RAPGEF3: variants seen among roughly 807,000 people sequenced by gnomAD.
RAPGEF3 encodes Rap guanine nucleotide exchange factor 3.
In RAPGEF3, 103 loss-of-function variants were observed where a neutral mutation model predicts 129.8. The observed-to-expected ratio is 0.79, with a 90% CI of 0.68 to 0.93. RAPGEF3 has a LOEUF of 0.93. RAPGEF3 is among the 40% of genes least tolerant of loss of function. The pLI, the probability that RAPGEF3 is intolerant of heterozygous loss-of-function variation, is 0.00. For synonymous variants in RAPGEF3, 436 were observed against 482.6 expected (o/e 0.90, Z 1.26); for missense variants, 1,117 against 1,207.4 (o/e 0.93, Z 1.11).
rs540314957 is a variant in RAPGEF3, at chr12:47,734,712, A to G, written c.*2855T>C. On this transcript the variant is annotated 3_prime_UTR_variant, in exon 28 of 28. Coordinates refer to ENST00000449771, the MANE Select transcript of RAPGEF3 (RefSeq NM_001098531.4). ...TATTATCATGGTAAATCTTGTGACTATTGGGAAGGAGAGCAGCCAGAGGCT... is the reference window on the plus strand; with the variant it reads ...TATTATCATGGTAAATCTTGTGACTGTTGGGAAGGAGAGCAGCCAGAGGCT... 2.0e-5 allele frequency: 3 copies of G among 152,374 alleles called. No individual in the cohort carries two copies. Among genetic ancestry groups the G allele is most frequent in the South Asian group, 2.1e-4 (1 of 4,824 alleles). The allele number at this position is 152,374 out of a possible 1,614,324, so 9.4% of individuals were successfully genotyped here.
chr12:47,745,067 TC>T (rs1215227266), intron 16 of RAPGEF3: 1 of 152,798 alleles, frequency 6.5e-6, no homozygotes, highest in African/African-American at 2.4e-5. Context: ...CCTCCACACT[TC>T]CGTAGCTTGT....
At position 47,751,316 on chromosome 12, in the gene RAPGEF3, T is replaced by C; in HGVS notation, c.502+83A>G. On this transcript the variant is annotated intron_variant, in intron 5 of 27. Coordinates refer to ENST00000449771, the MANE Select transcript of RAPGEF3 (RefSeq NM_001098531.4). ...CCACCCCTCAGCACTCCCCAAGTAG[T>C]GCCTGCTTCCCAGGACTGCCCTGTC... 12 of 1,586,242 alleles carry C rather than the reference T, an allele frequency of 7.6e-6. No homozygotes were observed. In the South Asian group the frequency reaches 1.3e-4, roughly 17 times the overall value.
chr12:47,750,290 A>G, intron 7 of RAPGEF3, 51 bp downstream of exon 7: 1 of 1,544,406 alleles, frequency 6.5e-7, no homozygotes, highest in Non-Finnish European at 8.9e-7. Context: ...GGGAAGTCAC[A>G]GGAAGAGAAG....
rs57483145 is a variant in RAPGEF3 at position 47,757,650 on chromosome 12, T to C, written c.219+216A>G. Among the ~76,000 whole-genome samples, 456 of 152,062 alleles carry C rather than the reference T, an allele frequency of 3.0e-3. 3 individuals carry two copies. The highest frequency in any genetic ancestry group is 0.011 in the African/African-American group (442 of 41,476). On this transcript the variant is annotated intron_variant, in intron 2 of 27. Transcript: ENST00000449771. ...TTCCCCCCATGCCCAAACAGAGACA[T>C]TTGGGCAGAACACACACACAGACAC... is the stretch of plus-strand genomic sequence containing the variant.
chr12:47,755,582 T>A (rs1942008293), intron 2 of RAPGEF3: 1 of 152,222 alleles, frequency 6.6e-6, no homozygotes, highest in Non-Finnish European at 1.5e-5. Context: ...TTTCCAAAGA[T>A]GTTCTTCCAT....
intron 1 of RAPGEF3, 23 bp from the exon 2 acceptor site, chr12:47,758,101 G>A: frequency 6.5e-7 from 1 of 1,549,834 alleles, no homozygotes; most frequent in Non-Finnish European, 8.7e-7. Flanking sequence ...GAGGAAAGTG[G>A]ACAGCCATGG....
chr12:47,740,040 GTAGAGGGGC>G, intron 23 of RAPGEF3, 92 bp downstream of exon 23: 1 of 1,377,702 alleles, frequency 7.3e-7, no homozygotes, highest in South Asian at 1.2e-5. Flanking sequence ...CAAAGGACGA[GTAGAGGGGC>G]TGCAGGGAAG....
In RAPGEF3 at chr12:47,739,192, G is replaced by A. The variant is rs199956954; in HGVS notation, c.2412C>T (p.Leu804=). ...SWNHRVYRLA[L]AKLSPPVIPF... is the part of the protein sequence containing the mutation. ...GGATGACAGGAGGGGAGAGCTTGGC[G>A]AGGGCCAGTCGGTATACCCGGTGGT... Residue 804 remains leucine, a synonymous_variant, in exon 24 of 28, where the codon CTC becomes CTT. Coordinates refer to ENST00000449771, the MANE Select transcript of RAPGEF3 (RefSeq NM_001098531.4). 5.6e-6 allele frequency: 9 copies of A among 1,611,144 alleles called. No homozygotes were observed. The highest frequency in any genetic ancestry group is 2.7e-5 in the African/African-American group (2 of 74,804).
At chr12:47,746,754 G>T in intron 16 of RAPGEF3, 106 bp downstream of exon 16, 1 of 1,250,224 alleles carries the variant, frequency 8.0e-7, no homozygotes, top group Non-Finnish European at 1.1e-6. Context: ...GTGTGTCTGT[G>T]GGAGGAGAGC....
chr12:47,741,687 G>A, intron 18 of RAPGEF3, 85 bp from the exon 19 acceptor site: 1 of 1,169,022 alleles, frequency 8.6e-7, no homozygotes, highest in Non-Finnish European at 1.3e-6. Flanking sequence ...GTGCTGTTTG[G>A]GAGGCTGAGA....
chr12:47,752,103 G>T (rs574560835), intron 2 of RAPGEF3, 134 bp from the exon 3 acceptor site: 3 of 920,864 alleles, frequency 3.3e-6, no homozygotes, highest in East Asian at 2.6e-5. Context: ...CACTCCTTCA[G>T]CAAATAAACA....
rs1290703588 is a variant in RAPGEF3, at chr12:47,738,245, T to G, written c.2529A>C (p.Arg843Ser). Residue 843 changes from arginine to serine, a missense_variant and splice_region_variant, in exon 26 of 28, where the codon AGA becomes AGC. Around this residue, in one of 3 missense-constraint regions of RAPGEF3, gnomAD observed 643 missense variants for 673.4 expected, o/e 0.95. Coordinates refer to ENST00000449771, the MANE Select transcript of RAPGEF3 (RefSeq NM_001098531.4). ...GCATCCGCGCGGCTCTGGCCATCAT[T>G]CTCTGCGGACAACACCGGGGCATAA... ...VENLINFEKM[R>S]MMARAARMLH... The G allele has an allele frequency of 6.2e-7, 1 of 1,613,104 alleles. No individual in the cohort carries two copies. The highest frequency in any genetic ancestry group is 2.2e-5 in the East Asian group (1 of 44,884).
intron 2 of RAPGEF3, among the ~76,000 whole-genome samples, chr12:47,756,670 C>T (rs1057248228): frequency 6.6e-6 from 1 of 152,074 alleles, no homozygotes. Flanking sequence ...AAGGACTTGC[C>T]AATAAGAAGT....
At chr12:47,757,759 A>G in intron 2 of RAPGEF3, 107 bp downstream of exon 2, 1 of 1,107,764 alleles carries the variant, frequency 9.0e-7, no homozygotes, top group South Asian at 1.5e-5. Context: ...GTACCACTGT[A>G]CACCCCCAGA....
In RAPGEF3 at chr12:47,741,534, C is replaced by T; in HGVS notation, c.1894G>A (p.Val632Ile). 1 of 1,614,104 alleles carries T rather than the reference C, an allele frequency of 6.2e-7. No homozygotes were observed. The highest frequency in any genetic ancestry group is 2.2e-5 in the East Asian group (1 of 44,880). ...TSLGLNERLF[V>I]VNPQEVHELI... Reference sequence around the variant, plus strand: ...TCATGCACTTCCTGTGGGTTGACAACAAAGAGACGCTCATTGAGCCCCAGA... The same window carrying T: ...TCATGCACTTCCTGTGGGTTGACAATAAAGAGACGCTCATTGAGCCCCAGA... The change falls in exon 19 of 28, where the codon GTT becomes ATT. Residue 632 changes from valine to isoleucine, a missense_variant. Coordinates refer to ENST00000449771, the MANE Select transcript of RAPGEF3 (RefSeq NM_001098531.4).
In RAPGEF3 at chr12:47,749,137, C is replaced by G. The variant is rs369132557; in HGVS notation, c.1042-206G>C. ...TCCCCCACAGCCTAGTCCCCCGCCC[C>G]CTGCATGCCCATCCTTCCCCTGGTC... On this transcript the variant is annotated intron_variant, in intron 10 of 27. Coordinates refer to ENST00000449771, the MANE Select transcript of RAPGEF3 (RefSeq NM_001098531.4). This position sits in a 1 kb window ranked among gnomAD's most constrained non-coding sequence, Gnocchi z 4.5. 32 of 641,776 alleles carry G rather than the reference C, an allele frequency of 5.0e-5. No individual in the cohort carries two copies. Among genetic ancestry groups the G allele is most frequent in the East Asian group, 3.3e-4 (12 of 36,608 alleles). The allele number at this position is 641,776 out of a possible 1,614,324, so 39.8% of individuals were successfully genotyped here.
At chr12:47,746,639 G>A in intron 16 of RAPGEF3, 2 of 713,232 alleles carry the variant, frequency 2.8e-6, no homozygotes, top group South Asian at 1.5e-5. Context: ...GTCAGGGAGT[G>A]GGCGAGGAGG....
chr12:47,748,392 C>G (rs955321900), intron 12 of RAPGEF3, 62 bp downstream of exon 12: 4 of 1,482,764 alleles, frequency 2.7e-6, no homozygotes, highest in Non-Finnish European at 2.8e-6. Flanking sequence ...ACCTGGCTCT[C>G]TCCCAGGCTC....
At chr12:47,757,634 T>G (rs890409283) in intron 2 of RAPGEF3, among the ~76,000 whole-genome samples, 19 of 152,106 alleles carry the variant, frequency 1.2e-4, no homozygotes, top group Admixed American at 1.1e-3. Context: ...CTTCCCCCCA[T>G]GCCCAAACAG....
Sources: allele counts gnomAD v4.1 joint callset (sites outside exome capture counted in the v4.1 genomes callset), GRCh38; gene constraint gnomAD v4.1.1; regional missense constraint gnomAD v4.1.1; non-coding constraint Gnocchi (gnomAD v3.1); transcripts MANE v1.5; gene names NCBI Gene and HGNC (gene_info 2026-07-23, HGNC 2026-07-21).